Variants in WNK1 observed in about 807,000 individuals in gnomAD.
WNK1 encodes WNK lysine deficient protein kinase 1.
A neutral mutation model predicts 222.8 loss-of-function variants in WNK1; 38 were observed. The observed-to-expected ratio is 0.17, with a 90% confidence interval of 0.13 to 0.22. The LOEUF is 0.22. Ranked by LOEUF, WNK1 falls within the 10% of genes least tolerant of loss-of-function variation. The pLI, the probability that WNK1 is intolerant of heterozygous loss-of-function variation, is 1.00. For missense variants in WNK1, 2,348 were observed against 2,918.4 expected (o/e 0.80, Z 4.50); for synonymous variants, 1,090 against 1,092.9 (o/e 1.00, Z 0.05).
rs780174776 is a variant in WNK1, at chr12:908,011, A to G, written c.6808A>G (p.Ser2270Gly). 4 of 1,614,062 alleles carry G rather than the reference A, an allele frequency of 2.5e-6. No individual in the cohort carries two copies. The highest frequency in any genetic ancestry group is 3.4e-6 in the Non-Finnish European group (4 of 1,180,046). ...DAMNLSGRRG[S>G]KGHMNYEGPG... ...CATGAATCTCTCAGGCAGGAGAGGAAGCAAAGGGCACATGAATTACGAGGT... is the reference window on the plus strand; with the variant it reads ...CATGAATCTCTCAGGCAGGAGAGGAGGCAAAGGGCACATGAATTACGAGGT... The change falls in exon 27 of 28, where the codon AGC becomes GGC. Residue 2270 changes from serine (S) to glycine (G), a missense_variant. Physicochemically the swap from Ser to Gly is moderately conservative, Grantham distance 56. Coordinates refer to ENST00000315939, the MANE Select transcript of WNK1 (RefSeq NM_018979.4).
chr12:862,249 G>C lies in WNK1; in HGVS notation c.2118G>C (p.Gly706=). ...TCCAAGCACAGTCTCAGCCCCATGGGGTATATCCACCCTCAAGTGTGGTAA... is the reference window on the plus strand; with the variant it reads ...TCCAAGCACAGTCTCAGCCCCATGGCGTATATCCACCCTCAAGTGTGGTAA... ...STVQAQSQPH[G]VYPPSSVAQG... is the part of the protein sequence containing the mutation. Residue 706 remains glycine (G), a synonymous_variant, in exon 8 of 28, where the codon GGG becomes GGC. Transcript: ENST00000315939. 1 of 1,613,898 alleles carries C rather than the reference G, an allele frequency of 6.2e-7. No homozygotes were observed. Among genetic ancestry groups the C allele is most frequent in the Non-Finnish European group, 8.5e-7 (1 of 1,179,940 alleles).
chr12:766,755 G>C (rs1941751098), intron 1 of WNK1, among the ~76,000 whole-genome samples: 1 of 151,098 alleles, frequency 6.6e-6, no homozygotes, highest in African/African-American at 2.4e-5. Context: ...GGGATGACAG[G>C]TGTGAGCCAC....
Position 910,824 on chromosome 12 carries a change from T to TGAAG in WNK1, c.*2034_*2037dup, listed in dbSNP as rs1334086883. On this transcript the variant is annotated 3_prime_UTR_variant, in exon 28 of 28. Coordinates refer to ENST00000315939, the MANE Select transcript of WNK1 (RefSeq NM_018979.4). ...CGGCCCTAAATATGCAAATGAGAGC[T>TGAAG]GAAGGTTTTTAAAAGGTAGAAAGGA... The TGAAG allele has an allele frequency of 6.6e-6, 1 of 152,462 alleles. No individual in the cohort carries two copies. Among genetic ancestry groups the TGAAG allele is most frequent in the Non-Finnish European group, 1.5e-5 (1 of 68,294 alleles). 9.4% of individuals were successfully genotyped at this position (152,462 alleles called of 1,614,324 possible).
intron 1 of WNK1, among the ~76,000 whole-genome samples, chr12:770,905 T>C (rs1472657787): frequency 6.6e-6 from 1 of 152,254 alleles, no homozygotes; most frequent in East Asian, 1.9e-4. Context: ...ACTATAAATA[T>C]CTTGAAATAT....
rs72649812 is a variant in WNK1 at position 865,149 on chromosome 12, T to C, written c.2139+2879T>C. On this transcript the variant is annotated intron_variant, in intron 8 of 27. Coordinates refer to ENST00000315939, the MANE Select transcript of WNK1 (RefSeq NM_018979.4). ...TAGCATGTCGGTTTGTGTTCCCATCTTTCTGCTGTTGCCTCTGTGTCCCGC... is the reference window on the plus strand; with the variant it reads ...TAGCATGTCGGTTTGTGTTCCCATCCTTCTGCTGTTGCCTCTGTGTCCCGC... 6.5e-7 allele frequency: 1 copy of C among 1,533,240 alleles called. No individual in the cohort carries two copies. 95.0% of individuals were successfully genotyped at this position (1,533,240 alleles called of 1,614,324 possible).
chr12:868,468 A>G, intron 8 of WNK1: 2 of 1,613,948 alleles, frequency 1.2e-6, no homozygotes, highest in Non-Finnish European at 1.7e-6. Flanking sequence ...TTCAGAATCT[A>G]AGATTAGATT....
chr12:830,402 T>C (rs1948700681), intron 4 of WNK1, among the ~76,000 whole-genome samples: 1 of 152,240 alleles, frequency 6.6e-6, no homozygotes, highest in African/African-American at 2.4e-5. Flanking sequence ...ATCTTTATTA[T>C]GTTTAAAAAC....
At chr12:787,441 G>T (rs1281072585) in intron 1 of WNK1, among the ~76,000 whole-genome samples, 1 of 152,184 alleles carries the variant, frequency 6.6e-6, no homozygotes, top group East Asian at 1.9e-4. Context: ...CAGAGGTGTT[G>T]TTGAGTTTAA....
intron 8 of WNK1, among the ~76,000 whole-genome samples, chr12:870,997 A>G (rs1952095123): frequency 1.3e-5 from 2 of 152,346 alleles, no homozygotes; most frequent in South Asian, 4.1e-4. Flanking sequence ...GCCAGCTAAA[A>G]TTACAGCCTG....
chr12:765,928 A>G (rs76958434), intron 1 of WNK1, among the ~76,000 whole-genome samples: 12,359 of 152,236 alleles, frequency 0.081, 616 homozygotes, highest in African/African-American at 0.13. Context: ...ATTTTTTGGG[A>G]AACTGTACAA....
intron 8 of WNK1, chr12:868,973 A>G (rs559095027): frequency 1.9e-6 from 3 of 1,593,284 alleles, no homozygotes; most frequent in African/African-American, 1.3e-5. Flanking sequence ...TGACGTCTCA[A>G]TGCCCTTTAT....
intron 23 of WNK1, among the ~76,000 whole-genome samples, 195 bp from the exon 24 acceptor site, chr12:895,876 C>A (rs1366571106): frequency 5.9e-5 from 9 of 152,216 alleles, no homozygotes; most frequent in Non-Finnish European, 1.3e-4. Context: ...GAATCTGCAT[C>A]TCAGTACCCA....
chr12:905,022 G>A (rs1565618823), intron 26 of WNK1, among the ~76,000 whole-genome samples: 1 of 152,200 alleles, frequency 6.6e-6, no homozygotes, highest in Non-Finnish European at 1.5e-5. Context: ...TACTTGGGAT[G>A]TTGGGCTGTA....
intron 1 of WNK1, among the ~76,000 whole-genome samples, chr12:769,888 A>G (rs1203972318): frequency 6.6e-6 from 1 of 151,498 alleles, no homozygotes; most frequent in Non-Finnish European, 1.5e-5. Context: ...GTGTGAACCC[A>G]CTCTCAAAAG....
chr12:754,554 T>A (rs540860483), intron 1 of WNK1, among the ~76,000 whole-genome samples: 2 of 152,274 alleles, frequency 1.3e-5, no homozygotes, highest in African/African-American at 4.8e-5. Flanking sequence ...CGGGCAGCGG[T>A]GGTGAAGGTC....
intron 4 of WNK1, among the ~76,000 whole-genome samples, chr12:837,435 G>A (rs1949271940): frequency 1.3e-5 from 2 of 151,920 alleles, no homozygotes; most frequent in African/African-American, 2.4e-5. Context: ...TTAGCCATGC[G>A]CGGTGGCGGG....
At position 841,321 on chromosome 12, in the gene WNK1, T is replaced by A. The variant is rs138245982; in HGVS notation, c.1311+11161T>A. On this transcript the variant is annotated intron_variant, in intron 4 of 27. Coordinates refer to ENST00000315939, the MANE Select transcript of WNK1 (RefSeq NM_018979.4). ...ATCTGCTTTCTGTCTCTGGATTTGA[T>A]TTTCCTATTCTAGGTATTTCATGTA... Among the ~76,000 whole-genome samples the A allele has an allele frequency of 3.7e-3, 565 of 152,308 alleles. 3 individuals are homozygous for A. The highest frequency in any genetic ancestry group is 0.013 in the African/African-American group (543 of 41,578).
At chr12:865,298 G>A (rs906067465) in intron 8 of WNK1, 7 of 1,536,090 alleles carry the variant, frequency 4.6e-6, no homozygotes, top group South Asian at 2.4e-5. Flanking sequence ...AGAGTGTCCT[G>A]CCTATGCACT....
At chr12:822,427 T>G (rs1947980734) in intron 2 of WNK1, among the ~76,000 whole-genome samples, 1 of 152,230 alleles carries the variant, frequency 6.6e-6, no homozygotes, top group African/African-American at 2.4e-5. Context: ...AGTCTTGTAC[T>G]GTTTTTTGCT....
Sources: allele counts gnomAD v4.1 joint callset (sites outside exome capture counted in the v4.1 genomes callset), GRCh38; gene constraint gnomAD v4.1.1; transcripts MANE v1.5; gene names NCBI Gene and HGNC (gene_info 2026-07-23, HGNC 2026-07-21).